TSHZ2: variants seen among roughly 807,000 people sequenced by gnomAD.
The protein encoded by TSHZ2 is teashirt zinc finger homeobox 2, also known as teashirt homolog 2.
In TSHZ2, 21 loss-of-function variants were observed where a neutral mutation model predicts 74.4. The ratio of observed to expected loss-of-function variants is 0.28; its 90% CI spans 0.20 to 0.41. The LOEUF is 0.41. TSHZ2 is among the 10% of genes least tolerant of loss of function. The probability of loss-of-function intolerance (pLI) is 1.00; values close to 1 mark genes in which losing one functional copy is unlikely to be tolerated. For missense variants in TSHZ2, 1,244 were observed against 1,293.5 expected (o/e 0.96, Z 0.59); for synonymous variants, 540 against 515.3 (o/e 1.05, Z -0.65).
intron 1 of TSHZ2, among the ~76,000 whole-genome samples, chr20:53,093,833 T>C (rs1317017276): frequency 1.3e-5 from 2 of 152,192 alleles, no homozygotes; most frequent in Non-Finnish European, 2.9e-5. Context: ...TTTATGATGA[T>C]AATCATTATC....
chr20:53,054,434 G>A (rs1319447842), intron 1 of TSHZ2, among the ~76,000 whole-genome samples: 1 of 152,196 alleles, frequency 6.6e-6, no homozygotes, highest in East Asian at 1.9e-4. Context: ...ACTAAAGTAA[G>A]GGAAGGTAGC....
intron 1 of TSHZ2, among the ~76,000 whole-genome samples, chr20:53,066,609 G>C (rs938883231): frequency 6.6e-6 from 1 of 152,180 alleles, no homozygotes; most frequent in African/African-American, 2.4e-5. Flanking sequence ...CTGGGTTCAA[G>C]TGATTCTCCC....
intron 1 of TSHZ2, among the ~76,000 whole-genome samples, chr20:53,095,503 A>G (rs1432097225): frequency 6.6e-6 from 1 of 152,198 alleles, no homozygotes; most frequent in African/African-American, 2.4e-5. Flanking sequence ...GCAAGATGAT[A>G]AGATATTATT....
At chr20:53,114,428 A>G (rs1986615579) in intron 1 of TSHZ2, among the ~76,000 whole-genome samples, 1 of 150,562 alleles carries the variant, frequency 6.6e-6, no homozygotes, top group South Asian at 2.2e-4. Flanking sequence ...TAGTACTAGT[A>G]CCCACCTCAC....
At position 53,022,435 on chromosome 20, in the gene TSHZ2, C is replaced by G. The variant is rs946935133; in HGVS notation, c.40+49102C>G. On this transcript the variant is annotated intron_variant, in intron 1 of 2. Coordinates refer to ENST00000371497, the MANE Select transcript of TSHZ2 (RefSeq NM_173485.6). ...CTTCCCATGCCACGTTTTACTGGAC[C>G]GTCTATCAATATTTGATCAAATTGG... Among the ~76,000 whole-genome samples, 5 of 152,184 alleles carry G rather than the reference C, an allele frequency of 3.3e-5. No homozygotes were observed. The South Asian group carries it at 6.2e-4, about 19-fold the overall frequency.
At chr20:53,290,949 T>A (rs951098621) in intron 2 of TSHZ2, among the ~76,000 whole-genome samples, 1 of 152,164 alleles carries the variant, frequency 6.6e-6, no homozygotes, top group African/African-American at 2.4e-5. Flanking sequence ...ATTTGAGGGG[T>A]TGCAATGGAG....
chr20:53,460,610 G>C (rs1487571848), intron 2 of TSHZ2, among the ~76,000 whole-genome samples: 3 of 152,240 alleles, frequency 2.0e-5, no homozygotes, highest in Admixed American at 1.3e-4. Flanking sequence ...TTCCTTTGGA[G>C]GAGGAGAGGC....
chr20:53,055,379 G>C (rs1984606053), intron 1 of TSHZ2, among the ~76,000 whole-genome samples: 2 of 152,192 alleles, frequency 1.3e-5, no homozygotes, highest in Admixed American at 1.3e-4. Flanking sequence ...TTATCTCACT[G>C]TGCCAGGATT....
intron 2 of TSHZ2, among the ~76,000 whole-genome samples, chr20:53,292,020 G>T (rs974152354): frequency 6.6e-6 from 1 of 151,898 alleles, no homozygotes; most frequent in East Asian, 1.9e-4. Flanking sequence ...AACAGATAGG[G>T]AATTTCGTTA....
intron 1 of TSHZ2, among the ~76,000 whole-genome samples, chr20:53,050,702 G>T (rs574884008): frequency 6.6e-6 from 1 of 152,328 alleles, no homozygotes; most frequent in East Asian, 1.9e-4. Flanking sequence ...ACTGAATAAA[G>T]AGCTGAAGGT....
chr20:53,312,234 C>G (rs1978826455), intron 2 of TSHZ2, among the ~76,000 whole-genome samples: 1 of 152,200 alleles, frequency 6.6e-6, no homozygotes, highest in Non-Finnish European at 1.5e-5. Context: ...GAGCATCCTA[C>G]TTAGCAGGGT....
rs377129083 is a variant in TSHZ2 at position 53,228,190 on chromosome 20, T to A, written c.41-25309T>A. ...AGGATGTGAAACAGAAACCCTGGTT[T>A]TGTGAAGTTAGCCTCAGGACTCTGT... is the stretch of plus-strand genomic sequence containing the variant. On this transcript the variant is annotated intron_variant, in intron 1 of 2. Transcript: ENST00000371497. Among the ~76,000 whole-genome samples the A allele has an allele frequency of 4.6e-5, 7 of 151,378 alleles. No individual in the cohort carries two copies. The South Asian group carries it at 1.5e-3, about 32-fold the overall frequency.
intron 1 of TSHZ2, among the ~76,000 whole-genome samples, chr20:53,221,514 G>C (rs1341861876): frequency 6.6e-6 from 1 of 152,182 alleles, no homozygotes; most frequent in Non-Finnish European, 1.5e-5. Context: ...CTAGAGAACA[G>C]AGGTTTTGTG....
intron 2 of TSHZ2, among the ~76,000 whole-genome samples, chr20:53,267,271 G>T (rs1458047402): frequency 1.3e-5 from 2 of 152,180 alleles, no homozygotes; most frequent in Non-Finnish European, 2.9e-5. Flanking sequence ...CAGGCAGAGG[G>T]CAGAGCCTGT....
intron 1 of TSHZ2, among the ~76,000 whole-genome samples, chr20:53,117,644 G>A (rs1986706508): frequency 1.3e-5 from 2 of 152,216 alleles, no homozygotes; most frequent in Non-Finnish European, 2.9e-5. Flanking sequence ...TTTAGAACAA[G>A]AGTGTATCAA....
At chr20:53,176,227 G>A (rs968030834) in intron 1 of TSHZ2, among the ~76,000 whole-genome samples, 1 of 151,900 alleles carries the variant, frequency 6.6e-6, no homozygotes, top group African/African-American at 2.4e-5. Flanking sequence ...TCTTTTACCC[G>A]TTTTCCCCTC....
intron 2 of TSHZ2, among the ~76,000 whole-genome samples, chr20:53,315,525 C>T (rs1978969074): frequency 6.6e-6 from 1 of 152,134 alleles, no homozygotes; most frequent in African/African-American, 2.4e-5. Flanking sequence ...AAGTGTTTGC[C>T]CAACAAACCA....
chr20:53,346,691 G>A (rs1008846685), intron 2 of TSHZ2, among the ~76,000 whole-genome samples: 1 of 152,200 alleles, frequency 6.6e-6, no homozygotes, highest in Non-Finnish European at 1.5e-5. Context: ...GAGAAAGCAC[G>A]AAGAGGTGGA....
chr20:53,008,879 C>A (rs964462198), intron 1 of TSHZ2, among the ~76,000 whole-genome samples: 12 of 151,814 alleles, frequency 7.9e-5, no homozygotes, highest in Admixed American at 7.9e-4. Flanking sequence ...TGTGCTAAAG[C>A]TTAACTTATA....
Sources: allele counts gnomAD v4.1 joint callset (sites outside exome capture counted in the v4.1 genomes callset), GRCh38; gene constraint gnomAD v4.1.1; transcripts MANE v1.5; gene names NCBI Gene and HGNC (gene_info 2026-07-23, HGNC 2026-07-21).